The following DAB1 variants were observed in gnomAD, a reference collection of about 807,000 sequenced individuals.
DAB1 encodes the protein DAB adaptor protein 1, also known as disabled homolog 1.
Under a neutral mutation model 64.6 loss-of-function variants are expected in DAB1, and 15 were observed. The observed-to-expected ratio is 0.23, with a 90% confidence interval of 0.16 to 0.36. The LOEUF is 0.36. Ranked by LOEUF, DAB1 falls within the 10% of genes least tolerant of loss-of-function variation. The pLI, the probability that DAB1 is intolerant of heterozygous loss-of-function variation, is 1.00. For synonymous variants in DAB1, 235 were observed against 251.9 expected (o/e 0.93, Z 0.64); for missense variants, 596 against 706.7 (o/e 0.84, Z 1.78).
At chr1:57,721,001 A>AT (rs1232321937) in intron 6 of DAB1, among the ~76,000 whole-genome samples, 9 of 152,220 alleles carry the variant, frequency 5.9e-5, no homozygotes, top group African/African-American at 2.2e-4. Flanking sequence ...AGGCATCTGC[A>AT]AATTGCAGTC....
At chr1:57,468,244 G>A (rs1183848896) in intron 7 of DAB1, among the ~76,000 whole-genome samples, 3 of 152,068 alleles carry the variant, frequency 2.0e-5, no homozygotes, top group Admixed American at 6.6e-5. Context: ...AAGGAGAAAG[G>A]GCATTGTAGG....
chr1:57,309,466 G>C (rs1346034044), intron 1 of DAB1, among the ~76,000 whole-genome samples: 1 of 152,160 alleles, frequency 6.6e-6, no homozygotes, highest in Admixed American at 6.5e-5. Context: ...AAGAATTAAA[G>C]CATGATAAGA....
intron 1 of DAB1, among the ~76,000 whole-genome samples, chr1:57,301,240 G>C (rs528322291): frequency 6.6e-6 from 1 of 152,308 alleles, no homozygotes; most frequent in East Asian, 1.9e-4. Flanking sequence ...TGGAGGTACA[G>C]AGGGAGATTA....
Position 57,090,459 on chromosome 1 carries a change from G to T in DAB1, c.307-18045C>A, listed in dbSNP as rs557521894. Among the ~76,000 whole-genome samples the T allele has an allele frequency of 3.3e-5, 5 of 152,258 alleles. No individual in the cohort carries two copies. The South Asian group carries it at 1.0e-3, about 32-fold the overall frequency. The stretch of plus-strand genomic sequence containing the variant: ...GAATATCAAGGGGCTCAGCCAGTTG[G>T]GGGAGAGGGAGCCAGCGTTTCTAAA... On this transcript the variant is annotated intron_variant, in intron 4 of 14. Transcript: ENST00000371236.
At chr1:58,470,226 T>G (rs1645342317) in intron 3 of DAB1, among the ~76,000 whole-genome samples, 2 of 151,986 alleles carry the variant, frequency 1.3e-5, no homozygotes, top group South Asian at 2.1e-4. Context: ...CAGGTTGGAG[T>G]GCAGTGGTGC....
At chr1:57,199,938 G>A (rs1215037823) in intron 2 of DAB1, among the ~76,000 whole-genome samples, 1 of 152,210 alleles carries the variant, frequency 6.6e-6, no homozygotes, top group East Asian at 1.9e-4. Context: ...AGTCCAAGCT[G>A]CACAAGCTGC....
intron 3 of DAB1, among the ~76,000 whole-genome samples, chr1:58,440,425 G>A (rs1003660289): frequency 1.3e-5 from 2 of 152,208 alleles, no homozygotes; most frequent in Non-Finnish European, 2.9e-5. Context: ...CACAAGAGGA[G>A]GGACCCTTGA....
chr1:58,302,912 T>A (rs1018987164), intron 4 of DAB1, among the ~76,000 whole-genome samples: 2 of 152,168 alleles, frequency 1.3e-5, no homozygotes, highest in African/African-American at 4.8e-5. Flanking sequence ...ATCTCACTAA[T>A]TTCAGTTTTT....
At chr1:57,497,780 C>T (rs993985735) in intron 7 of DAB1, among the ~76,000 whole-genome samples, 2 of 152,154 alleles carry the variant, frequency 1.3e-5, no homozygotes, top group Non-Finnish European at 2.9e-5. Flanking sequence ...TCAGACCATG[C>T]AAAGCTTTTT....
chr1:58,197,517 G>A (rs1231442868), intron 4 of DAB1, among the ~76,000 whole-genome samples: 6 of 151,220 alleles, frequency 4.0e-5, no homozygotes, highest in South Asian at 2.1e-4. Context: ...TCAGCCTCCC[G>A]AGTGGCTGGG....
At chr1:57,620,183 C>G (rs11803829) in intron 7 of DAB1, among the ~76,000 whole-genome samples, 1 of 152,050 alleles carries the variant, frequency 6.6e-6, no homozygotes, top group Non-Finnish European at 1.5e-5. Flanking sequence ...GACTCCGCCC[C>G]GAAAGGAGAA....
intron 7 of DAB1, among the ~76,000 whole-genome samples, chr1:57,564,533 G>GA (rs1645093258): frequency 6.6e-6 from 1 of 152,042 alleles, no homozygotes; most frequent in Non-Finnish European, 1.5e-5. Context: ...TAAAAATCTT[G>GA]AAAAAAGATT....
At chr1:57,690,827 T>TA (rs1038186457) in intron 6 of DAB1, among the ~76,000 whole-genome samples, 4 of 152,192 alleles carry the variant, frequency 2.6e-5, no homozygotes, top group African/African-American at 7.2e-5. Flanking sequence ...GCATTTTGGA[T>TA]AAAAAACATT....
At chr1:58,383,025 C>T (rs777410039) in intron 3 of DAB1, among the ~76,000 whole-genome samples, 2 of 152,128 alleles carry the variant, frequency 1.3e-5, no homozygotes, top group Non-Finnish European at 2.9e-5. Flanking sequence ...CAGCACCCAG[C>T]GCACAAGGGA....
At chr1:57,134,877 A>G (rs1169833088) in intron 4 of DAB1, among the ~76,000 whole-genome samples, 1 of 152,180 alleles carries the variant, frequency 6.6e-6, no homozygotes, top group Non-Finnish European at 1.5e-5. Flanking sequence ...AGTACCATCT[A>G]CATCCTAGGG....
chr1:57,696,226 C>A (rs1056488924), intron 6 of DAB1, among the ~76,000 whole-genome samples: 2 of 152,094 alleles, frequency 1.3e-5, no homozygotes, highest in African/African-American at 4.8e-5. Context: ...CCATATCTAG[C>A]CCATAATGAA....
At chr1:57,531,114 G>A (rs1169881396) in intron 7 of DAB1, among the ~76,000 whole-genome samples, 1 of 152,180 alleles carries the variant, frequency 6.6e-6, no homozygotes, top group East Asian at 1.9e-4. Context: ...ACTACATCCA[G>A]ATGGCCTGAA....
intron 1 of DAB1, among the ~76,000 whole-genome samples, chr1:57,354,083 T>C (rs1678854955): frequency 1.3e-5 from 2 of 152,150 alleles, no homozygotes; most frequent in Non-Finnish European, 2.9e-5. Flanking sequence ...AAGTACTGCA[T>C]TTTATTTAAA....
At chr1:57,116,629 T>C (rs1656159268) in intron 4 of DAB1, among the ~76,000 whole-genome samples, 1 of 152,130 alleles carries the variant, frequency 6.6e-6, no homozygotes, top group Admixed American at 6.6e-5. Context: ...GACAGTTCAG[T>C]GTCTCCCCAA....
Sources: allele counts gnomAD v4.1 joint callset (sites outside exome capture counted in the v4.1 genomes callset), GRCh38; gene constraint gnomAD v4.1.1; transcripts MANE v1.5; gene names NCBI Gene and HGNC (gene_info 2026-07-23, HGNC 2026-07-21).